NALF1: variants seen among roughly 807,000 people sequenced by gnomAD.
The protein encoded by NALF1 is NALCN channel auxiliary factor 1, also known as family with sequence similarity 155 member A.
A neutral mutation model predicts 48.4 loss-of-function variants in NALF1; 3 were observed. The observed-to-expected ratio is 0.06, with a 90% CI of 0.03 to 0.16. The LOEUF (loss-of-function observed/expected upper bound fraction) is 0.16, where lower values mean the gene tolerates loss of function less well. NALF1 is among the 10% of genes least tolerant of loss of function. The pLI is 1.00. For synonymous variants in NALF1, 262 were observed against 245.7 expected (o/e 1.07, Z -0.62); for missense variants, 526 against 571.5 (o/e 0.92, Z 0.81).
intron 1 of NALF1, among the ~76,000 whole-genome samples, chr13:107,265,569 G>C (rs147145776): frequency 1.3e-5 from 2 of 151,916 alleles, no homozygotes; most frequent in African/African-American, 4.8e-5. Context: ...ACCACACTTG[G>C]CTAATTTTGT....
intron 1 of NALF1, among the ~76,000 whole-genome samples, chr13:107,232,749 C>A (rs1272615744): frequency 6.6e-6 from 1 of 152,174 alleles, no homozygotes; most frequent in Non-Finnish European, 1.5e-5. Context: ...AGATTCTGTG[C>A]ACAGTTCCTG....
At chr13:107,504,874 CTG>C (rs1226024670) in intron 1 of NALF1, among the ~76,000 whole-genome samples, 3 of 152,320 alleles carry the variant, frequency 2.0e-5, no homozygotes, top group African/African-American at 7.2e-5. Flanking sequence ...CCAGACACGT[CTG>C]TCTACTCAAC....
At chr13:107,308,719 C>A (rs1192493646) in intron 1 of NALF1, among the ~76,000 whole-genome samples, 3 of 152,180 alleles carry the variant, frequency 2.0e-5, no homozygotes, top group Non-Finnish European at 2.9e-5. Flanking sequence ...TCAACCTCAA[C>A]TGCAATGAAA....
chr13:107,838,505 T>C (rs1879964132), intron 1 of NALF1, among the ~76,000 whole-genome samples: 1 of 152,166 alleles, frequency 6.6e-6, no homozygotes, highest in African/African-American at 2.4e-5. Context: ...AGACTGGAGA[T>C]CACATTTTAA....
chr13:107,219,439 G>C (rs577339905), intron 1 of NALF1, among the ~76,000 whole-genome samples: 1 of 152,150 alleles, frequency 6.6e-6, no homozygotes, highest in South Asian at 2.1e-4. Context: ...GTTGAAAAGG[G>C]TTTAAAAAGT....
intron 1 of NALF1, among the ~76,000 whole-genome samples, chr13:107,618,363 T>C (rs1011495965): frequency 1.3e-5 from 2 of 151,878 alleles, no homozygotes; most frequent in African/African-American, 2.4e-5. Context: ...AGGGAGGAGG[T>C]TGAAGAGGGA....
At chr13:107,774,255 C>T (rs959309841) in intron 1 of NALF1, among the ~76,000 whole-genome samples, 4 of 152,164 alleles carry the variant, frequency 2.6e-5, no homozygotes, top group Non-Finnish European at 5.9e-5. Context: ...TTCTGCATAT[C>T]ATGCTACACA....
In NALF1 at chr13:107,620,693, C is replaced by A. The variant is rs553950404; in HGVS notation, c.915+244989G>T. 5.3e-5 allele frequency among the ~76,000 whole-genome samples: 8 copies of A among 152,182 alleles called. No individual in the cohort carries two copies. In the South Asian group the frequency reaches 1.7e-3, roughly 32 times the overall value. On this transcript the variant is annotated intron_variant, in intron 1 of 2. Coordinates refer to ENST00000375915, the MANE Select transcript of NALF1 (RefSeq NM_001080396.3). ...ATGTTTAGTATACAAAAACACTCAA[C>A]CTACACGTGACAGATATATATGGGC...
rs188456243 is a variant in NALF1 at position 107,774,891 on chromosome 13, T to C, written c.915+90791A>G. ...CAGGAGGGCTCTTTCTTCCCTGATATCTCTATATTATGCACATGTGTCTTA... is the reference window on the plus strand; with the variant it reads ...CAGGAGGGCTCTTTCTTCCCTGATACCTCTATATTATGCACATGTGTCTTA... On this transcript the variant is annotated intron_variant, in intron 1 of 2. Transcript: ENST00000375915. Among the ~76,000 whole-genome samples the C allele has an allele frequency of 2.4e-4, 36 of 152,254 alleles. No homozygotes were observed. The East Asian group carries it at 6.6e-3, about 28-fold the overall frequency.
intron 1 of NALF1, among the ~76,000 whole-genome samples, chr13:107,532,526 T>C (rs960689313): frequency 6.6e-6 from 1 of 152,102 alleles, no homozygotes; most frequent in African/African-American, 2.4e-5. Flanking sequence ...AGAGTTCAGG[T>C]TATTACAAAA....
intron 1 of NALF1, among the ~76,000 whole-genome samples, chr13:107,734,625 C>T (rs916050746): frequency 3.9e-5 from 6 of 152,026 alleles, no homozygotes; most frequent in Non-Finnish European, 7.4e-5. Context: ...TTCAAATCCC[C>T]GTTCTTTCTG....
chr13:107,651,100 T>C (rs76877705), intron 1 of NALF1, among the ~76,000 whole-genome samples: 18,311 of 147,450 alleles, frequency 0.12, 1,573 homozygotes, highest in Admixed American at 0.22. Flanking sequence ...TAAAGAATTA[T>C]AAATTCATTG....
intron 1 of NALF1, among the ~76,000 whole-genome samples, chr13:107,246,357 T>C (rs1351046054): frequency 6.6e-6 from 1 of 152,188 alleles, no homozygotes; most frequent in African/African-American, 2.4e-5. Context: ...AACAATCTTT[T>C]TTCATGAAGA....
chr13:107,728,451 A>G (rs1876217904), intron 1 of NALF1, among the ~76,000 whole-genome samples: 1 of 151,870 alleles, frequency 6.6e-6, no homozygotes. Flanking sequence ...CAAACACCAC[A>G]TCTTCTCACT....
At chr13:107,865,556 T>C (rs891141725) in intron 1 of NALF1, 126 bp downstream of exon 1, 2 of 1,303,566 alleles carry the variant, frequency 1.5e-6, no homozygotes, top group Non-Finnish European at 2.1e-6. Flanking sequence ...AAGCTCTTAA[T>C]AACCGCAGAA....
At chr13:107,724,331 CA>C (rs147875906) in intron 1 of NALF1, among the ~76,000 whole-genome samples, 5,965 of 148,344 alleles carry the variant, frequency 0.04, 355 homozygotes, top group East Asian at 0.3. Context: ...TTACCTAATA[CA>C]AAAAAAAATG....
At chr13:107,380,539 G>GC (rs1424745658) in intron 1 of NALF1, among the ~76,000 whole-genome samples, 1 of 152,028 alleles carries the variant, frequency 6.6e-6, no homozygotes, top group Admixed American at 6.6e-5. Context: ...ATTCTCCCCG[G>GC]CCCCCACACT....
At chr13:107,265,947 T>C (rs947042727) in intron 1 of NALF1, among the ~76,000 whole-genome samples, 1 of 152,230 alleles carries the variant, frequency 6.6e-6, no homozygotes, top group Admixed American at 6.5e-5. Flanking sequence ...GCGTTTTCTC[T>C]AGGTGCTGGG....
chr13:107,196,734 A>AT (rs1324234218), intron 2 of NALF1, among the ~76,000 whole-genome samples: 1 of 152,180 alleles, frequency 6.6e-6, no homozygotes, highest in Non-Finnish European at 1.5e-5. Flanking sequence ...AGTAGCAAAT[A>AT]TGGAGGATGA....
Sources: gnomAD v4.1 joint callset for allele counts (sites outside exome capture counted in the v4.1 genomes callset) on GRCh38, gnomAD v4.1.1 for gene constraint, MANE v1.5 for transcripts, NCBI Gene and HGNC (gene_info 2026-07-23, HGNC 2026-07-21) for gene names.